DYNC1I1: variants seen among roughly 807,000 people sequenced by gnomAD.
DYNC1I1 encodes the protein cytoplasmic dynein 1 intermediate chain 1.
A neutral mutation model predicts 86.6 loss-of-function variants in DYNC1I1; 43 were observed. The ratio of observed to expected loss-of-function variants is 0.50; its 90% confidence interval spans 0.39 to 0.64. The LOEUF is 0.64. DYNC1I1 is among the 30% of genes least tolerant of loss of function. DYNC1I1 has a pLI of 0.00. For missense variants in DYNC1I1, 604 were observed against 788.8 expected (o/e 0.77, Z 2.81); for synonymous variants, 262 against 283.7 (o/e 0.92, Z 0.77).
chr7:96,042,729 A>G (rs1789085767), intron 14 of DYNC1I1, among the ~76,000 whole-genome samples: 1 of 152,244 alleles, frequency 6.6e-6, no homozygotes, highest in South Asian at 2.1e-4. Context: ...TACTAGGTAA[A>G]CAAACTCATT....
At chr7:96,036,435 T>A (rs928395885) in intron 13 of DYNC1I1, among the ~76,000 whole-genome samples, 4 of 152,186 alleles carry the variant, frequency 2.6e-5, no homozygotes, top group African/African-American at 9.7e-5. Context: ...GTAAGTGCAA[T>A]GGAGAAAATT....
At position 95,777,925 on chromosome 7, in the gene DYNC1I1, TA is replaced by T. The variant is rs560700641; in HGVS notation, c.-10+5154del. ...ACCTCCACACATTTAAGGTTACATC[TA>T]ATGCTTTTCATCATAAATTTATAGA... On this transcript the variant is annotated intron_variant, in intron 1 of 16. Coordinates refer to ENST00000447467, the MANE Select transcript of DYNC1I1 (RefSeq NM_001135556.2). Among the ~76,000 whole-genome samples, 23 of 152,330 alleles carry T rather than the reference TA, an allele frequency of 1.5e-4. No homozygotes were observed. The East Asian group carries it at 4.2e-3, about 28-fold the overall frequency.
chr7:96,006,127 G>A (rs1036056124), intron 10 of DYNC1I1, among the ~76,000 whole-genome samples: 2 of 152,186 alleles, frequency 1.3e-5, no homozygotes, highest in African/African-American at 4.8e-5. Flanking sequence ...GAGAAAATGT[G>A]TTAGCCAACC....
chr7:95,791,799 G>C lies in DYNC1I1; in HGVS notation c.-9-12922G>C, dbSNP rs148262201. 4.0e-3 allele frequency among the ~76,000 whole-genome samples: 609 copies of C among 152,294 alleles called. 4 individuals are homozygous for C. The highest frequency in any genetic ancestry group is 0.014 in the African/African-American group (581 of 41,564). On this transcript the variant is annotated intron_variant, in intron 1 of 16. Transcript: ENST00000447467. ...TTATATCAATAGATATATAATGGTA[G>C]TGATTTAGTAAAAGATAGTTGAATG...
intron 1 of DYNC1I1, among the ~76,000 whole-genome samples, chr7:95,794,572 T>C (rs1794388977): frequency 6.6e-6 from 1 of 152,152 alleles, no homozygotes; most frequent in Non-Finnish European, 1.5e-5. Flanking sequence ...TCATCTCTAC[T>C]CTGTTAACTA....
rs12670611 is a variant in DYNC1I1, at chr7:95,954,702, A to G, written c.491-22810A>G. Reference sequence around the variant, plus strand: ...TCTGAGGCAGGCGGATCACGAGGTCAGGAGATTGAGATCATCCTGGCTAAC... The same window carrying G: ...TCTGAGGCAGGCGGATCACGAGGTCGGGAGATTGAGATCATCCTGGCTAAC... On this transcript the variant is annotated intron_variant, in intron 6 of 16. Coordinates refer to ENST00000447467, the MANE Select transcript of DYNC1I1 (RefSeq NM_001135556.2). Among the ~76,000 whole-genome samples, 228 of 152,204 alleles carry G rather than the reference A, an allele frequency of 1.5e-3. 7 individuals are homozygous for G. The East Asian group carries it at 0.043, about 29-fold the overall frequency.
intron 5 of DYNC1I1, among the ~76,000 whole-genome samples, chr7:95,838,254 A>T (rs1584267271): frequency 6.6e-6 from 1 of 152,274 alleles, no homozygotes; most frequent in Non-Finnish European, 1.5e-5. Context: ...CATTCTTTCA[A>T]ATATGGATAT....
chr7:95,931,940 A>G (rs569906393), intron 6 of DYNC1I1, among the ~76,000 whole-genome samples: 3 of 152,306 alleles, frequency 2.0e-5, no homozygotes, highest in African/African-American at 7.2e-5. Flanking sequence ...AATTTCCAAC[A>G]TGTCTGAAAG....
intron 13 of DYNC1I1, among the ~76,000 whole-genome samples, chr7:96,036,308 A>G (rs766279283): frequency 3.9e-5 from 6 of 152,176 alleles, no homozygotes; most frequent in Non-Finnish European, 8.8e-5. Context: ...TTTACTAAGA[A>G]CCTACCATGT....
intron 11 of DYNC1I1, among the ~76,000 whole-genome samples, chr7:96,030,278 C>G (rs1335048791): frequency 1.3e-5 from 2 of 149,438 alleles, no homozygotes; most frequent in Admixed American, 6.7e-5. Context: ...AATCTGGCAT[C>G]TATACTGGAA....
At chr7:95,971,212 A>T (rs577929147) in intron 6 of DYNC1I1, among the ~76,000 whole-genome samples, 18 of 152,202 alleles carry the variant, frequency 1.2e-4, no homozygotes, top group Admixed American at 6.5e-5. Context: ...ATAGTGGAAG[A>T]TACAGGTGTA....
chr7:95,985,427 C>T (rs1793565536), intron 8 of DYNC1I1, among the ~76,000 whole-genome samples: 1 of 151,986 alleles, frequency 6.6e-6, no homozygotes. Context: ...TTTTTGGTAT[C>T]ATGAAAGTAT....
intron 10 of DYNC1I1, among the ~76,000 whole-genome samples, chr7:96,007,898 G>A (rs1794180393): frequency 6.6e-6 from 1 of 152,108 alleles, no homozygotes; most frequent in Non-Finnish European, 1.5e-5. Flanking sequence ...ATTCTCACTG[G>A]CTCTGAGCCT....
In DYNC1I1 at chr7:96,094,149, TTTCATAGTC is replaced by T. The variant is rs529225930; in HGVS notation, c.1777-3327_1777-3319del. On this transcript the variant is annotated intron_variant, in intron 16 of 16. Coordinates refer to ENST00000447467, the MANE Select transcript of DYNC1I1 (RefSeq NM_001135556.2). The stretch of plus-strand genomic sequence containing the variant: ...AAAACATAATTAATTTTTGTCTGTA[TTTCATAGTC>T]TTCATATTCCAAAATGATTCACTAC... Among the ~76,000 whole-genome samples the T allele has an allele frequency of 2.1e-3, 327 of 152,284 alleles. 9 individuals carry two copies. Among genetic ancestry groups the T allele is most frequent in the Admixed American group, 0.016 (241 of 15,284 alleles).
chr7:95,935,508 G>A (rs1792016369), intron 6 of DYNC1I1, among the ~76,000 whole-genome samples: 1 of 152,010 alleles, frequency 6.6e-6, no homozygotes, highest in Admixed American at 6.6e-5. Context: ...GTGATTGCTG[G>A]ATCATACAGC....
intron 6 of DYNC1I1, among the ~76,000 whole-genome samples, chr7:95,919,944 T>C (rs1791567993): frequency 1.3e-5 from 2 of 152,066 alleles, no homozygotes; most frequent in Non-Finnish European, 2.9e-5. Context: ...TAAATAAATA[T>C]AAAGAGAGAA....
chr7:95,911,200 G>C (rs970581557), intron 6 of DYNC1I1, among the ~76,000 whole-genome samples: 4 of 152,178 alleles, frequency 2.6e-5, no homozygotes, highest in African/African-American at 9.7e-5. Context: ...TTAGAACAGA[G>C]CAGGAGTCTT....
chr7:95,965,561 A>G lies in DYNC1I1; in HGVS notation c.491-11951A>G, dbSNP rs146863750. Among the ~76,000 whole-genome samples, 499 of 152,290 alleles carry G rather than the reference A, an allele frequency of 3.3e-3. 1 individual carries two copies. The highest frequency in any genetic ancestry group is 0.011 in the African/African-American group (477 of 41,566). On this transcript the variant is annotated intron_variant, in intron 6 of 16. Transcript: ENST00000447467. ...AATTCTGTTATTTACAGCAGAGGAA[A>G]CTGAGGGGCAAGGGTTAAGTAAATA...
intron 6 of DYNC1I1, among the ~76,000 whole-genome samples, chr7:95,920,529 C>T (rs188804462): frequency 7.9e-4 from 121 of 152,208 alleles, no homozygotes; most frequent in African/African-American, 2.8e-3. Flanking sequence ...GATGCAGTAA[C>T]GTATGATGTG....
Sources: allele counts gnomAD v4.1 joint callset (sites outside exome capture counted in the v4.1 genomes callset), GRCh38; gene constraint gnomAD v4.1.1; transcripts MANE v1.5; gene names NCBI Gene and HGNC (gene_info 2026-07-23, HGNC 2026-07-21).